Variants in CADM2 observed in about 807,000 individuals in gnomAD.
The protein encoded by CADM2 is immunoglobulin superfamily member 4D.
CADM2 carries 12 observed loss-of-function variants against 49.8 expected under a neutral mutation model. The observed-to-expected ratio is 0.24, with a 90% confidence interval of 0.15 to 0.39. The LOEUF (loss-of-function observed/expected upper bound fraction) is 0.39. Among genes scored for constraint, CADM2 ranks in the 10% least tolerant of loss-of-function variants. The pLI, the probability that CADM2 is intolerant of heterozygous loss-of-function variation, is 1.00. For missense variants in CADM2, 378 were observed against 492.3 expected (o/e 0.77, Z 2.20); for synonymous variants, 214 against 175.4 (o/e 1.22, Z -1.74).
chr3:86,057,636 G>A (rs1234747679), intron 8 of CADM2, among the ~76,000 whole-genome samples: 1 of 152,136 alleles, frequency 6.6e-6, no homozygotes, highest in African/African-American at 2.4e-5. Context: ...TTTGGGGGAA[G>A]ATAAAACTTA....
At chr3:85,221,822 T>C (rs2042050588) in intron 1 of CADM2, among the ~76,000 whole-genome samples, 1 of 152,178 alleles carries the variant, frequency 6.6e-6, no homozygotes, top group Admixed American at 6.5e-5. Context: ...TTTGATGACC[T>C]GAATTGGCTC....
intron 2 of CADM2, among the ~76,000 whole-genome samples, chr3:85,796,582 A>AT (rs1577329681): frequency 6.6e-6 from 1 of 152,106 alleles, no homozygotes; most frequent in East Asian, 1.9e-4. Flanking sequence ...CTGATATCAG[A>AT]TTTTTTACTT....
chr3:85,599,718 T>A (rs1217918009), intron 1 of CADM2, among the ~76,000 whole-genome samples: 1 of 151,912 alleles, frequency 6.6e-6, no homozygotes, highest in Non-Finnish European at 1.5e-5. Context: ...TATAAAAATT[T>A]CAATTGATTT....
intron 2 of CADM2, among the ~76,000 whole-genome samples, chr3:85,742,475 A>G (rs1361850147): frequency 6.6e-6 from 1 of 152,196 alleles, no homozygotes; most frequent in Non-Finnish European, 1.5e-5. Flanking sequence ...GACCCTTAAG[A>G]TAATAAATTA....
chr3:85,558,361 A>C (rs539855678), intron 1 of CADM2, among the ~76,000 whole-genome samples: 1 of 152,156 alleles, frequency 6.6e-6, no homozygotes, highest in African/African-American at 2.4e-5. Flanking sequence ...TTATTTGGGA[A>C]GTAGAAAATA....
intron 8 of CADM2, among the ~76,000 whole-genome samples, chr3:85,990,013 C>CAAAAAAAAAAAAAACAAAAAA (rs1728573264): frequency 1.0e-4 from 1 of 9,628 alleles, no homozygotes; most frequent in Non-Finnish European, 2.3e-4. Context: ...ACTCCATGTC[C>CAAAAAAAAAAAAAACAAAAAA]AAAAAAAAAA....
At chr3:85,103,549 T>A (rs1302671282) in intron 1 of CADM2, among the ~76,000 whole-genome samples, 1 of 152,160 alleles carries the variant, frequency 6.6e-6, no homozygotes, top group Non-Finnish European at 1.5e-5. Context: ...ACACTGTAAC[T>A]TGCCAAATGT....
intron 1 of CADM2, among the ~76,000 whole-genome samples, chr3:85,597,057 G>A (rs1010096004): frequency 1.3e-5 from 2 of 152,056 alleles, no homozygotes; most frequent in African/African-American, 4.8e-5. Context: ...TAAACCAGAA[G>A]TTCTGAAAGT....
intron 1 of CADM2, among the ~76,000 whole-genome samples, chr3:85,039,827 A>G (rs2035367541): frequency 6.6e-6 from 1 of 152,146 alleles, no homozygotes; most frequent in African/African-American, 2.4e-5. Flanking sequence ...ACTTGCTACT[A>G]CTCCTCTTAA....
chr3:85,329,545 C>G (rs1337573559), intron 1 of CADM2, among the ~76,000 whole-genome samples: 1 of 152,004 alleles, frequency 6.6e-6, no homozygotes, highest in East Asian at 1.9e-4. Context: ...GAGATTGCAC[C>G]ACTGCACTCC....
At position 85,256,444 on chromosome 3, in the gene CADM2, A is replaced by T. The variant is rs151107597; in HGVS notation, c.61+296776A>T. ...CTGCCGGAGGAAATGCACCTGTGAA[A>T]ACTAAGTGCTCCTATTCAAAAAGAG... On this transcript the variant is annotated intron_variant, in intron 1 of 9. Coordinates refer to ENST00000383699, the MANE Select transcript of CADM2 (RefSeq NM_001167675.2). 5.3e-3 allele frequency among the ~76,000 whole-genome samples: 805 copies of T among 152,190 alleles called. 4 individuals carry two copies. The highest frequency in any genetic ancestry group is 0.018 in the African/African-American group (765 of 41,556).
chr3:85,587,255 A>T (rs1422620721), intron 1 of CADM2, among the ~76,000 whole-genome samples: 1 of 152,128 alleles, frequency 6.6e-6, no homozygotes, highest in Non-Finnish European at 1.5e-5. Context: ...ACGAAGCCCA[A>T]GATATAAAAA....
intron 2 of CADM2, among the ~76,000 whole-genome samples, chr3:85,748,539 G>T (rs1276257095): frequency 1.3e-5 from 2 of 152,056 alleles, no homozygotes; most frequent in East Asian, 3.9e-4. Flanking sequence ...CAGGGCCCTA[G>T]ATGCAAATAG....
At chr3:85,358,060 A>G (rs543442431) in intron 1 of CADM2, among the ~76,000 whole-genome samples, 4 of 152,254 alleles carry the variant, frequency 2.6e-5, no homozygotes, top group African/African-American at 9.6e-5. Flanking sequence ...CTTCAGTGCC[A>G]TTGACATTTT....
chr3:85,119,838 G>A (rs1177161343), intron 1 of CADM2, among the ~76,000 whole-genome samples: 1 of 152,130 alleles, frequency 6.6e-6, no homozygotes, highest in Non-Finnish European at 1.5e-5. Flanking sequence ...TGTGAATTTT[G>A]CACATTGATT....
intron 1 of CADM2, among the ~76,000 whole-genome samples, chr3:85,120,791 C>T (rs1439046299): frequency 2.0e-5 from 3 of 151,846 alleles, no homozygotes; most frequent in East Asian, 1.9e-4. Context: ...CAAACCTGCA[C>T]GTTCTTACCC....
chr3:85,166,175 A>C (rs2040465796), intron 1 of CADM2, among the ~76,000 whole-genome samples: 1 of 151,792 alleles, frequency 6.6e-6, no homozygotes, highest in African/African-American at 2.4e-5. Flanking sequence ...TTTTTGCAAA[A>C]TTGTGTAGAA....
chr3:85,392,287 A>G (rs577174882), intron 1 of CADM2, among the ~76,000 whole-genome samples: 28 of 152,196 alleles, frequency 1.8e-4, no homozygotes, highest in African/African-American at 6.0e-4. Flanking sequence ...ATATAACTTA[A>G]ATATTTTTCC....
chr3:84,964,288 C>G (rs926792787), intron 1 of CADM2, among the ~76,000 whole-genome samples: 3 of 152,106 alleles, frequency 2.0e-5, no homozygotes, highest in Admixed American at 6.5e-5. Flanking sequence ...GGAAGACATC[C>G]TAAGCATGCA....
Sources: allele counts gnomAD v4.1 joint callset (sites outside exome capture counted in the v4.1 genomes callset), GRCh38; gene constraint gnomAD v4.1.1; transcripts MANE v1.5; gene names NCBI Gene and HGNC (gene_info 2026-07-23, HGNC 2026-07-21).